Variants in HDLBP observed in about 807,000 individuals in gnomAD.
HDLBP encodes the protein high density lipoprotein binding protein, also known as vigilin.
HDLBP carries 30 observed loss-of-function variants against 137.3 expected under a neutral mutation model. That is an observed-to-expected ratio of 0.22 (90% CI 0.16 to 0.30). The LOEUF (loss-of-function observed/expected upper bound fraction) is 0.30, where lower values mean the gene tolerates loss of function less well. Among genes scored for constraint, HDLBP ranks in the 10% least tolerant of loss-of-function variants. The pLI, the probability that HDLBP is intolerant of heterozygous loss-of-function variation, is 1.00. For synonymous variants in HDLBP, 606 were observed against 596.0 expected, an observed-to-expected ratio of 1.02 and a Z score of -0.24; for missense variants, 1,119 against 1,667.3, an observed-to-expected ratio of 0.67 and a Z score of 5.73.
At chr2:241,307,555 A>G (rs1205375835) in intron 1 of HDLBP, among the ~76,000 whole-genome samples, 1 of 152,264 alleles carries the variant, frequency 6.6e-6, no homozygotes, top group Non-Finnish European at 1.5e-5. Context: ...CTTTAAAAAT[A>G]TTCTAAAAGA....
At position 241,233,589 on chromosome 2, in the gene HDLBP, G is replaced by A. The variant is rs1268557226; in HGVS notation, c.3288+231C>T. Among the ~76,000 whole-genome samples the A allele has an allele frequency of 2.0e-5, 3 of 152,046 alleles. No homozygotes were observed. Among genetic ancestry groups the A allele is most frequent in the East Asian group, 3.9e-4 (2 of 5,188 alleles). ...TCCTGCTCATTTTCTGGAAGGAGAC[G>A]CAGGAGAAAATGCTCCAGGCCCCAG... On this transcript the variant is annotated intron_variant, in intron 24 of 27. Transcript: ENST00000310931. This position sits in a 1 kb window ranked among gnomAD's most constrained non-coding sequence, Gnocchi z 4.3.
At chr2:241,256,429 C>G in intron 6 of HDLBP, 30 bp from the exon 7 acceptor site, 1 of 1,573,322 alleles carries the variant, frequency 6.4e-7, no homozygotes, top group South Asian at 1.2e-5. Context: ...CTGATGAGAA[C>G]AGGCCTTTGA....
At chr2:241,273,335 G>A (rs1317888790) in intron 1 of HDLBP, 3 of 754,730 alleles carry the variant, frequency 4.0e-6, no homozygotes, top group Non-Finnish European at 4.8e-6. Flanking sequence ...CCGATTCCTT[G>A]GCAATCAACT....
chr2:241,253,246 T>C (rs2072341334), intron 10 of HDLBP, 147 bp downstream of exon 10: 1 of 710,754 alleles, frequency 1.4e-6, no homozygotes, highest in Non-Finnish European at 2.6e-6. Flanking sequence ...CAGCTTCTGG[T>C]TGTTTCAGAA....
chr2:241,288,996 G>C (rs1176246339), intron 1 of HDLBP, among the ~76,000 whole-genome samples: 2 of 152,202 alleles, frequency 1.3e-5, no homozygotes, highest in Non-Finnish European at 2.9e-5. Flanking sequence ...AAAGTTCTAT[G>C]AGCTAGAATT....
At chr2:241,267,451 TA>T in intron 2 of HDLBP, 1 of 852,716 alleles carries the variant, frequency 1.2e-6, no homozygotes, top group Non-Finnish European at 1.9e-6. Flanking sequence ...ACACCACCCC[TA>T]ACCGCAGGGG....
intron 1 of HDLBP, among the ~76,000 whole-genome samples, chr2:241,308,337 T>TTCCTA (rs2075647704): frequency 6.6e-6 from 1 of 152,166 alleles, no homozygotes; most frequent in South Asian, 2.1e-4. Context: ...GCAGTAGGAA[T>TTCCTA]GAACAGAAAG....
intron 5 of HDLBP, among the ~76,000 whole-genome samples, 198 bp downstream of exon 5, chr2:241,262,513 G>A (rs946995309): frequency 6.6e-6 from 1 of 152,088 alleles, no homozygotes; most frequent in South Asian, 2.1e-4. Context: ...AAAATGGTAA[G>A]TGTCCCAGTT....
In HDLBP at chr2:241,272,941, C is replaced by T. The variant is rs547080231; in HGVS notation, c.-102-4400G>A. 8.6e-5 allele frequency: 76 copies of T among 883,332 alleles called. No homozygotes were observed. The South Asian group carries it at 1.4e-3, about 16-fold the overall frequency. The allele number at this position is 883,332 out of a possible 1,614,324, so 54.7% of individuals were successfully genotyped here. ...CTGGGGTCCCCGCCGCCCCGGGCCG[C>T]CCAGCACCCGGGAGGCCCACCCAAC... On this transcript the variant is annotated intron_variant, in intron 1 of 27. Transcript: ENST00000310931. The surrounding 1 kb of genome is among the most constrained non-coding windows in gnomAD (Gnocchi z 5.6).
chr2:241,303,378 C>A (rs1385343553), intron 1 of HDLBP, among the ~76,000 whole-genome samples: 1 of 152,184 alleles, frequency 6.6e-6, no homozygotes, highest in African/African-American at 2.4e-5. Flanking sequence ...CACCATACAA[C>A]AGGACGCTGG....
At position 241,272,610 on chromosome 2, in the gene HDLBP, AGC is replaced by A; in HGVS notation, c.-102-4071_-102-4070del. On this transcript the variant is annotated intron_variant, in intron 1 of 27. Transcript: ENST00000310931. The surrounding 1 kb of genome is among the most constrained non-coding windows in gnomAD (Gnocchi z 5.6). ...CAGGACACCCGCGGGCGGGGGCCGC[AGC>A]CTGGGGCCCGGGTGGGGGCCGCGGC... is the stretch of plus-strand genomic sequence containing the variant. 1.0e-6 allele frequency: 1 copy of A among 981,646 alleles called. No individual in the cohort carries two copies. Among genetic ancestry groups the A allele is most frequent in the Non-Finnish European group, 1.2e-6 (1 of 827,882 alleles). 60.8% of individuals were successfully genotyped at this position (981,646 alleles called of 1,614,324 possible).
intron 1 of HDLBP, among the ~76,000 whole-genome samples, chr2:241,294,869 G>A (rs1423880777): frequency 2.0e-5 from 3 of 152,176 alleles, no homozygotes; most frequent in Non-Finnish European, 4.4e-5. Flanking sequence ...GGGAGGCCGA[G>A]ACAGGTGGGT....
intron 1 of HDLBP, among the ~76,000 whole-genome samples, chr2:241,285,243 T>C (rs2074758615): frequency 6.6e-6 from 1 of 152,252 alleles, no homozygotes; most frequent in African/African-American, 2.4e-5. Flanking sequence ...AGCTTTTATA[T>C]GCACTGGGAA....
At chr2:241,253,626 G>C (rs2072382762) in intron 9 of HDLBP, 129 bp from the exon 10 acceptor site, 2 of 671,188 alleles carry the variant, frequency 3.0e-6, no homozygotes, top group East Asian at 5.0e-5. Flanking sequence ...GAGGGAGGGA[G>C]GGACATATCC....
rs139811235 is a variant in HDLBP, at chr2:241,258,239, C to T, written c.451-1433G>A. 1.5e-3 allele frequency among the ~76,000 whole-genome samples: 221 copies of T among 148,262 alleles called. 6 individuals are homozygous for T. The East Asian group carries it at 0.041, about 27-fold the overall frequency. Reference sequence around the variant, plus strand: ...GCAGGCGCCTGTAATCCCAGCTACTCGGGAGGCTGAGGCAGGCGAATGGCG... The same window carrying T: ...GCAGGCGCCTGTAATCCCAGCTACTTGGGAGGCTGAGGCAGGCGAATGGCG... On this transcript the variant is annotated intron_variant, in intron 5 of 27. Coordinates refer to ENST00000310931, the MANE Select transcript of HDLBP (RefSeq NM_005336.6).
intron 1 of HDLBP, among the ~76,000 whole-genome samples, chr2:241,279,638 A>G (rs2074524814): frequency 2.6e-5 from 4 of 152,170 alleles, no homozygotes; most frequent in African/African-American, 9.7e-5. Context: ...GATGCAATCA[A>G]TGGCTCTGGG....
chr2:241,284,311 C>T (rs2074724796), intron 1 of HDLBP, among the ~76,000 whole-genome samples: 1 of 152,134 alleles, frequency 6.6e-6, no homozygotes, highest in South Asian at 2.1e-4. Context: ...GATGCCATGA[C>T]TTTGAGGGGT....
chr2:241,291,327 A>G (rs1208849073), intron 1 of HDLBP, among the ~76,000 whole-genome samples: 1 of 152,212 alleles, frequency 6.6e-6, no homozygotes, highest in Non-Finnish European at 1.5e-5. Context: ...GACGAGGTAC[A>G]ACACCCTCCT....
chr2:241,259,762 T>A (rs1160068633), intron 5 of HDLBP, among the ~76,000 whole-genome samples: 4 of 150,868 alleles, frequency 2.7e-5, no homozygotes, highest in African/African-American at 9.8e-5. Context: ...GGCGTGAGAG[T>A]CACCGCCTGC....
Sources: gnomAD v4.1 joint callset for allele counts (sites outside exome capture counted in the v4.1 genomes callset) on GRCh38, gnomAD v4.1.1 for gene constraint, Gnocchi (gnomAD v3.1) non-coding constraint, MANE v1.5 for transcripts, NCBI Gene and HGNC (gene_info 2026-07-23, HGNC 2026-07-21) for gene names.